The following SVEP1 variants were observed in gnomAD, a reference collection of about 807,000 sequenced individuals.
The protein encoded by SVEP1 is sushi, von Willebrand factor type A, EGF and pentraxin domain containing 1, also known as sushi, von Willebrand factor type A, EGF and pentraxin domain-containing protein 1.
Under a neutral mutation model 367.3 loss-of-function variants are expected in SVEP1, and 164 were observed. The observed-to-expected ratio is 0.45, with a 90% confidence interval of 0.39 to 0.51. The LOEUF (loss-of-function observed/expected upper bound fraction) is 0.51, where lower values mean the gene tolerates loss of function less well. Ranked by LOEUF, SVEP1 falls within the 20% of genes least tolerant of loss-of-function variation. The pLI is 0.00. For missense variants in SVEP1, 4,117 were observed against 4,425.3 expected, an observed-to-expected ratio of 0.93 and a Z score of 1.98; for synonymous variants, 1,666 against 1,611.6, an observed-to-expected ratio of 1.03 and a Z score of -0.81.
intron 25 of SVEP1, among the ~76,000 whole-genome samples, chr9:110,446,395 A>G (rs1420610883): frequency 6.6e-6 from 1 of 152,148 alleles, no homozygotes; most frequent in Non-Finnish European, 1.5e-5. Context: ...CACAGGAGAG[A>G]AGGAGGAGGT....
intron 3 of SVEP1, among the ~76,000 whole-genome samples, chr9:110,532,055 G>A (rs1336519116): frequency 2.0e-5 from 3 of 152,112 alleles, no homozygotes; most frequent in African/African-American, 7.2e-5. Context: ...CCAGGAAGTT[G>A]GGAACCAAGC....
chr9:110,492,608 A>G (rs535851416), intron 8 of SVEP1, among the ~76,000 whole-genome samples: 3 of 152,074 alleles, frequency 2.0e-5, no homozygotes, highest in South Asian at 4.2e-4. Context: ...CTGGATATAT[A>G]TATTTCATAT....
At chr9:110,368,871 TAGAC>T (rs1827236774) in intron 47 of SVEP1, among the ~76,000 whole-genome samples, 1 of 152,080 alleles carries the variant, frequency 6.6e-6, no homozygotes. Context: ...TCACTGGCAT[TAGAC>T]AGATTTTTTT....
At position 110,408,248 on chromosome 9, in the gene SVEP1, A is replaced by G. The variant is rs748548468; in HGVS notation, c.7352T>C (p.Ile2451Thr). Reference sequence around the variant, plus strand: ...GAGATAGGCAAGGCCTTGCACATCAATGATTCCATTGGGGATTTCCTCAGG... The same window carrying G: ...GAGATAGGCAAGGCCTTGCACATCAGTGATTCCATTGGGGATTTCCTCAGG... ...PQPEEIPNGI[I>T]DVQGLAYLST... The change falls in exon 38 of 48, where the codon ATT (isoleucine) becomes ACT (threonine). Residue 2451 changes from isoleucine (I) to threonine (T), a missense_variant. Ile to Thr is a moderately conservative substitution (Grantham distance 89). Coordinates refer to ENST00000374469, the MANE Select transcript of SVEP1 (RefSeq NM_153366.4). 2.9e-5 allele frequency: 46 copies of G among 1,613,902 alleles called. No homozygotes were observed. Among genetic ancestry groups the G allele is most frequent in the Middle Eastern group, 1.6e-4 (1 of 6,084 alleles).
chr9:110,382,300 C>G (rs548785238), intron 43 of SVEP1, among the ~76,000 whole-genome samples: 1 of 152,200 alleles, frequency 6.6e-6, no homozygotes, highest in Admixed American at 6.5e-5. Flanking sequence ...TCAGTGTTTT[C>G]TTGTCTGAAA....
chr9:110,473,766 G>A (rs1311435922), intron 14 of SVEP1, among the ~76,000 whole-genome samples: 1 of 152,140 alleles, frequency 6.6e-6, no homozygotes, highest in African/African-American at 2.4e-5. Flanking sequence ...TTTATGAAAT[G>A]TAGTACATAT....
intron 24 of SVEP1, 94 bp from the exon 25 acceptor site, chr9:110,447,151 T>A (rs1020011412): frequency 8.5e-7 from 1 of 1,175,402 alleles, no homozygotes; most frequent in Non-Finnish European, 1.1e-6. Context: ...AAAATTGAAA[T>A]GCTGGAACAC....
In SVEP1 at chr9:110,416,989, T is replaced by C. The variant is rs563271476; in HGVS notation, c.5976-5254A>G. On this transcript the variant is annotated intron_variant, in intron 36 of 47. Coordinates refer to ENST00000374469, the MANE Select transcript of SVEP1 (RefSeq NM_153366.4). ...ATTGCCAGATGTCCTTGGAGGGCAA[T>C]ATTGTCCTTGATTGAGGATCACTAA... is the stretch of plus-strand genomic sequence containing the variant. 1.0e-3 allele frequency among the ~76,000 whole-genome samples: 156 copies of C among 152,176 alleles called. 2 individuals carry two copies. The highest frequency in any genetic ancestry group is 3.6e-3 in the African/African-American group (150 of 41,422).
chr9:110,493,561 G>C (rs28494616), intron 8 of SVEP1, among the ~76,000 whole-genome samples: 3 of 151,864 alleles, frequency 2.0e-5, no homozygotes, highest in Non-Finnish European at 4.4e-5. Flanking sequence ...GTGAAAACCC[G>C]TCTCTACTAA....
chr9:110,425,339 A>G (rs1828236156), intron 36 of SVEP1, among the ~76,000 whole-genome samples: 1 of 152,232 alleles, frequency 6.6e-6, no homozygotes, highest in Non-Finnish European at 1.5e-5. Flanking sequence ...TATTTACATC[A>G]TACTTCATAT....
intron 8 of SVEP1, among the ~76,000 whole-genome samples, chr9:110,495,736 G>T (rs1829436153): frequency 6.6e-6 from 1 of 151,756 alleles, no homozygotes; most frequent in Admixed American, 6.6e-5. Flanking sequence ...ACATATAAGA[G>T]GAAGTAAAAT....
At chr9:110,493,825 C>A (rs971807053) in intron 8 of SVEP1, among the ~76,000 whole-genome samples, 1 of 152,152 alleles carries the variant, frequency 6.6e-6, no homozygotes, top group Non-Finnish European at 1.5e-5. Context: ...ATGGGTCTTA[C>A]AGGGTTGAAA....
chr9:110,411,758 A>C, intron 36 of SVEP1, 23 bp from the exon 37 acceptor site: 2 of 1,474,592 alleles, frequency 1.4e-6, no homozygotes, highest in Non-Finnish European at 1.8e-6. Flanking sequence ...GAAGAAAGAA[A>C]GAATAACTAA....
At chr9:110,458,693 A>T in intron 19 of SVEP1, 131 bp from the exon 20 acceptor site, 1 of 1,004,692 alleles carries the variant, frequency 1.0e-6, no homozygotes, top group Non-Finnish European at 1.4e-6. Flanking sequence ...CTTATATTTT[A>T]AAAAAGAAAA....
chr9:110,501,508 G>C (rs1049291026), intron 6 of SVEP1, among the ~76,000 whole-genome samples: 5 of 105,054 alleles, frequency 4.8e-5, no homozygotes, highest in Admixed American at 1.2e-4. Context: ...ATTTTGTTGT[G>C]GGGGGGGCAG....
intron 9 of SVEP1, among the ~76,000 whole-genome samples, chr9:110,485,911 A>C (rs1829269743): frequency 1.3e-5 from 2 of 152,228 alleles, no homozygotes; most frequent in African/African-American, 4.8e-5. Context: ...AGTCTCATGA[A>C]CATATGTTCA....
intron 41 of SVEP1, 140 bp from the exon 42 acceptor site, chr9:110,387,598 G>A (rs1449244773): frequency 1.1e-6 from 1 of 947,236 alleles, no homozygotes; most frequent in Admixed American, 3.4e-5. Context: ...GATATTCATT[G>A]AAGGAGAAAA....
intron 9 of SVEP1, among the ~76,000 whole-genome samples, chr9:110,487,364 A>T (rs1189528935): frequency 6.6e-6 from 1 of 152,130 alleles, no homozygotes; most frequent in Non-Finnish European, 1.5e-5. Flanking sequence ...AACTTGGCAA[A>T]CTCCTGAACC....
chr9:110,401,173 A>T (rs146119139), intron 39 of SVEP1, among the ~76,000 whole-genome samples, 164 bp from the exon 40 acceptor site: 1 of 152,192 alleles, frequency 6.6e-6, no homozygotes, highest in Non-Finnish European at 1.5e-5. Context: ...GGCTTAAAAA[A>T]CACACTTTAA....
Sources: gnomAD v4.1 joint callset for allele counts (sites outside exome capture counted in the v4.1 genomes callset) on GRCh38, gnomAD v4.1.1 for gene constraint, MANE v1.5 for transcripts, NCBI Gene and HGNC (gene_info 2026-07-23, HGNC 2026-07-21) for gene names.